Variants in FHIT observed in about 807,000 individuals in gnomAD.
FHIT encodes bis(5'-adenosyl)-triphosphatase.
In FHIT, 19 loss-of-function variants were observed where a neutral mutation model predicts 17.9. The observed-to-expected ratio is 1.06, with a 90% CI of 0.74 to 1.56. The LOEUF is 1.56. Ranked by LOEUF, FHIT falls within the 40% of genes most tolerant of loss-of-function variation. The pLI is 0.00. For missense variants in FHIT, 248 were observed against 189.2 expected (o/e 1.31, Z -1.82); for synonymous variants, 81 against 69.7 (o/e 1.16, Z -0.81).
intron 8 of FHIT, among the ~76,000 whole-genome samples, chr3:59,839,190 T>C (rs1020775320): frequency 6.6e-6 from 1 of 151,826 alleles, no homozygotes; most frequent in African/African-American, 2.4e-5. Flanking sequence ...TGGTGGTACA[T>C]GCCTGTAATC....
chr3:60,863,968 GA>G (rs1263181945), intron 3 of FHIT, among the ~76,000 whole-genome samples: 1 of 152,084 alleles, frequency 6.6e-6, no homozygotes, highest in Non-Finnish European at 1.5e-5. Flanking sequence ...AATTTATAAA[GA>G]AAAAGAAGTT....
chr3:60,646,164 A>G (rs2039851405), intron 4 of FHIT, among the ~76,000 whole-genome samples: 1 of 152,214 alleles, frequency 6.6e-6, no homozygotes, highest in African/African-American at 2.4e-5. Context: ...TTTAAAGGCT[A>G]CTTAGCAGTG....
chr3:60,318,174 G>A (rs1183675721), intron 5 of FHIT, among the ~76,000 whole-genome samples: 1 of 152,064 alleles, frequency 6.6e-6, no homozygotes, highest in African/African-American at 2.4e-5. Flanking sequence ...GCAATGTAGG[G>A]CTTTTCTGGA....
intron 5 of FHIT, among the ~76,000 whole-genome samples, chr3:60,251,865 G>A (rs149870925): frequency 2.9e-4 from 44 of 152,322 alleles, no homozygotes; most frequent in African/African-American, 9.6e-4. Flanking sequence ...TCAGACAGAT[G>A]TAGCCTCTTT....
At chr3:61,046,498 A>G (rs1479949904) in intron 2 of FHIT, among the ~76,000 whole-genome samples, 2 of 152,230 alleles carry the variant, frequency 1.3e-5, no homozygotes, top group Non-Finnish European at 2.9e-5. Context: ...GCAATAATTC[A>G]TAGCCTAGCA....
At chr3:60,290,013 A>G (rs1157935908) in intron 5 of FHIT, among the ~76,000 whole-genome samples, 1 of 152,180 alleles carries the variant, frequency 6.6e-6, no homozygotes, top group Non-Finnish European at 1.5e-5. Context: ...AATTCACGAT[A>G]TAATGACCCA....
intron 7 of FHIT, among the ~76,000 whole-genome samples, chr3:59,969,951 G>A (rs566747790): frequency 6.6e-5 from 10 of 152,102 alleles, no homozygotes; most frequent in African/African-American, 1.9e-4. Flanking sequence ...TCCAAAGAAC[G>A]TCATGTCAAA....
chr3:60,006,408 C>G (rs752234040), intron 7 of FHIT, among the ~76,000 whole-genome samples: 1 of 152,010 alleles, frequency 6.6e-6, no homozygotes, highest in Non-Finnish European at 1.5e-5. Flanking sequence ...AGTTACAACC[C>G]CTTAAAGCCT....
intron 8 of FHIT, among the ~76,000 whole-genome samples, chr3:59,834,885 A>T (rs1413508378): frequency 6.6e-6 from 1 of 152,218 alleles, no homozygotes; most frequent in Non-Finnish European, 1.5e-5. Flanking sequence ...TATAAAATTT[A>T]ATCAAATCAT....
chr3:60,397,105 C>T (rs1701476512), intron 5 of FHIT, among the ~76,000 whole-genome samples: 1 of 152,162 alleles, frequency 6.6e-6, no homozygotes, highest in Non-Finnish European at 1.5e-5. Flanking sequence ...TACAGATAAG[C>T]AAATTCTTCA....
chr3:61,144,082 A>G (rs1293555920), intron 2 of FHIT, among the ~76,000 whole-genome samples: 1 of 152,176 alleles, frequency 6.6e-6, no homozygotes, highest in Non-Finnish European at 1.5e-5. Context: ...ACCCATTTAA[A>G]CTGTACGATT....
intron 7 of FHIT, among the ~76,000 whole-genome samples, chr3:59,950,783 T>G (rs560094081): frequency 6.6e-6 from 1 of 152,230 alleles, no homozygotes; most frequent in African/African-American, 2.4e-5. Context: ...CTACACAACT[T>G]TGGAAAACAC....
chr3:60,178,874 A>C (rs1184648118), intron 5 of FHIT, among the ~76,000 whole-genome samples: 1 of 152,138 alleles, frequency 6.6e-6, no homozygotes, highest in African/African-American at 2.4e-5. Context: ...AAGAAATCTG[A>C]TATTGCCCTC....
chr3:60,847,697 C>T (rs782173034), intron 3 of FHIT, among the ~76,000 whole-genome samples: 23 of 152,212 alleles, frequency 1.5e-4, no homozygotes, highest in Non-Finnish European at 2.6e-4. Context: ...CGTCCCTTCT[C>T]CTTTCCTTCC....
At chr3:60,890,823 G>T (rs1328165305) in intron 3 of FHIT, among the ~76,000 whole-genome samples, 1 of 152,064 alleles carries the variant, frequency 6.6e-6, no homozygotes, top group Non-Finnish European at 1.5e-5. Context: ...TATGTCTTAG[G>T]CTACGTCCCT....
At chr3:59,869,944 T>C (rs555831821) in intron 8 of FHIT, among the ~76,000 whole-genome samples, 1 of 152,284 alleles carries the variant, frequency 6.6e-6, no homozygotes, top group African/African-American at 2.4e-5. Context: ...ATTATAATCA[T>C]AGCTTCCAAT....
chr3:60,046,462 A>G (rs1218955306), intron 5 of FHIT, among the ~76,000 whole-genome samples: 1 of 152,210 alleles, frequency 6.6e-6, no homozygotes, highest in African/African-American at 2.4e-5. Flanking sequence ...GCCAGCTGAC[A>G]GCAGAAGTTT....
intron 8 of FHIT, among the ~76,000 whole-genome samples, chr3:59,853,274 G>C (rs1025940626): frequency 3.3e-5 from 5 of 152,108 alleles, no homozygotes; most frequent in Non-Finnish European, 4.4e-5. Context: ...TATCCACATA[G>C]GCTATTATGA....
At chr3:60,543,574 A>G (rs1304148870) in intron 4 of FHIT, among the ~76,000 whole-genome samples, 1 of 152,156 alleles carries the variant, frequency 6.6e-6, no homozygotes, top group Non-Finnish European at 1.5e-5. Context: ...ATTCCTAGAT[A>G]GCTTTTAGTT....
Sources: allele counts gnomAD v4.1 joint callset (sites outside exome capture counted in the v4.1 genomes callset), GRCh38; gene constraint gnomAD v4.1.1; transcripts MANE v1.5; gene names NCBI Gene and HGNC (gene_info 2026-07-23, HGNC 2026-07-21).